Variants in C1QTNF1 observed in about 807,000 individuals in gnomAD.
C1QTNF1 encodes complement C1q tumor necrosis factor-related protein 1.
A neutral mutation model predicts 27.8 loss-of-function variants in C1QTNF1; 22 were observed. The ratio of observed to expected loss-of-function variants is 0.79; its 90% confidence interval spans 0.56 to 1.13. The LOEUF (loss-of-function observed/expected upper bound fraction) is 1.13. C1QTNF1 is among the 50% of genes most tolerant of loss of function. C1QTNF1 has a pLI of 0.00. For missense variants in C1QTNF1, 373 were observed against 380.2 expected (o/e 0.98, Z 0.16); for synonymous variants, 166 against 154.3 (o/e 1.08, Z -0.56).
rs771547856 is a variant in C1QTNF1, at chr17:79,047,749, G to A, written c.507G>A (p.Thr169=). The A allele has an allele frequency of 3.1e-6, 5 of 1,614,140 alleles. No homozygotes were observed. Among genetic ancestry groups the A allele is most frequent in the African/African-American group, 1.3e-5 (1 of 75,024 alleles). ...ACTACCAGACGGTGATCTTCGACAC[G>A]GAGTTCGTGAACCTCTACGACCACT... The part of the protein sequence containing the change: ...NHYYQTVIFD[T]EFVNLYDHFN... The change falls in exon 4 of 4, where the codon ACG becomes ACA. Residue 169 remains threonine, a synonymous_variant. Coordinates refer to ENST00000579760, the MANE Select transcript of C1QTNF1 (RefSeq NM_030968.5).
At chr17:79,025,874 A>AATCATCATCACCATCATC (rs756814837) in intron 1 of C1QTNF1, 33 of 427,756 alleles carry the variant, frequency 7.7e-5, no homozygotes, top group South Asian at 3.9e-4. Flanking sequence ...CAACAGTGGC[A>AATCATCATCACCATCATC]ATCATCATCA....
In C1QTNF1 at chr17:79,036,174, C is replaced by T. The variant is rs528084385; in HGVS notation, c.-14-7781C>T. Among the ~76,000 whole-genome samples the T allele has an allele frequency of 3.3e-5, 5 of 152,272 alleles. No homozygotes were observed. In the East Asian group the frequency reaches 9.6e-4, roughly 29 times the overall value. On this transcript the variant is annotated intron_variant, in intron 1 of 3. Transcript: ENST00000579760. ...CATGGTAACCACTAGCTACATGTGG[C>T]TTTTTATTTTTATGTTTTGAGAGAG...
chr17:79,034,625 T>G (rs1393642381), intron 1 of C1QTNF1: 1 of 152,224 alleles, frequency 6.6e-6, no homozygotes, highest in Admixed American at 6.5e-5. Context: ...CGCTTCACTT[T>G]TTTGTCCCAA....
rs1292987454 is a variant in C1QTNF1 at position 79,046,553 on chromosome 17, A to C, written c.156-2A>C. ...TTTCACTGTGATTCTTTATTCCCTC[A>C]GGGCTGAAGAACAACATGAAAAATA... On this transcript the variant is annotated splice_acceptor_variant, in intron 2 of 3. Coordinates refer to ENST00000579760, the MANE Select transcript of C1QTNF1 (RefSeq NM_030968.5). LOFTEE classifies it high-confidence loss of function. This position sits in a 1 kb window ranked among gnomAD's most constrained non-coding sequence, Gnocchi z 4.8. 1 of 1,614,194 alleles carries C rather than the reference A, an allele frequency of 6.2e-7. No individual in the cohort carries two copies. Among genetic ancestry groups the C allele is most frequent in the Non-Finnish European group, 8.5e-7 (1 of 1,180,022 alleles).
intron 1 of C1QTNF1, among the ~76,000 whole-genome samples, chr17:79,029,645 G>A (rs184242579): frequency 3.2e-4 from 48 of 152,308 alleles, no homozygotes; most frequent in African/African-American, 1.1e-3. Context: ...GCTGCAGGAC[G>A]GGGCTCCGTT....
At chr17:79,033,463 C>T (rs147385581) in intron 1 of C1QTNF1, among the ~76,000 whole-genome samples, 2,470 of 152,070 alleles carry the variant, frequency 0.016, 31 homozygotes, top group Non-Finnish European at 0.026. Flanking sequence ...TAATCCTACC[C>T]GCTTTGGGAG....
chr17:79,032,278 G>A (rs2072156950), intron 1 of C1QTNF1, among the ~76,000 whole-genome samples: 1 of 152,174 alleles, frequency 6.6e-6, no homozygotes, highest in Admixed American at 6.5e-5. Context: ...GAAGGTGGAG[G>A]AGAAACAGGC....
intron 1 of C1QTNF1, among the ~76,000 whole-genome samples, chr17:79,037,469 G>A (rs902591949): frequency 6.6e-6 from 1 of 151,650 alleles, no homozygotes; most frequent in Non-Finnish European, 1.5e-5. Flanking sequence ...TTGCCATGTT[G>A]GCCAGGCTGG....
Position 79,024,244 on chromosome 17 carries a change from C to T in C1QTNF1, c.-265C>T, listed in dbSNP as rs1376958222. ...CTTCCTTTACTTTCGAGAAACCGCG[C>T]TTCCGCTTCTGGTCGCAGAGACCTC... On this transcript the variant is annotated 5_prime_UTR_variant, in exon 1 of 4. Transcript: ENST00000579760. 3 of 152,350 alleles carry T rather than the reference C, an allele frequency of 2.0e-5. No homozygotes were observed. The highest frequency in any genetic ancestry group is 7.2e-5 in the African/African-American group (3 of 41,468). The allele number at this position is 152,350 out of a possible 1,614,324, so 9.4% of individuals were successfully genotyped here. A position where few individuals can be genotyped will look rare whatever the true frequency, so the allele number is the denominator to read the frequency against.
At chr17:79,028,975 G>A (rs924428565) in intron 1 of C1QTNF1, among the ~76,000 whole-genome samples, 4 of 152,070 alleles carry the variant, frequency 2.6e-5, no homozygotes, top group Non-Finnish European at 4.4e-5. Context: ...AACTCCGGTG[G>A]TGTATTTTAA....
intron 2 of C1QTNF1, 38 bp downstream of exon 2, chr17:79,044,161 C>T (rs777965796): frequency 6.5e-7 from 1 of 1,549,620 alleles, no homozygotes; most frequent in Non-Finnish European, 8.7e-7. Flanking sequence ...GGAGCTCTGG[C>T]TCTGGCCAGG....
intron 1 of C1QTNF1, chr17:79,041,700 C>T (rs1016122364): frequency 3.4e-5 from 5 of 148,620 alleles, no homozygotes; most frequent in African/African-American, 1.3e-4. Flanking sequence ...ATCACTTGAA[C>T]CTAGGAGGCG....
chr17:79,033,998 T>C (rs1451513851), intron 1 of C1QTNF1, among the ~76,000 whole-genome samples: 1 of 152,162 alleles, frequency 6.6e-6, no homozygotes, highest in African/African-American at 2.4e-5. Context: ...GTGCTGATTA[T>C]ATTCCTGACC....
In C1QTNF1 at chr17:79,048,841, A is replaced by AG. The variant is rs1364934449; in HGVS notation, c.*756dup. The AG allele has an allele frequency of 1.3e-5, 2 of 152,164 alleles. No homozygotes were observed. The highest frequency in any genetic ancestry group is 2.1e-4 in the South Asian group (1 of 4,834). 9.4% of individuals were successfully genotyped at this position (152,164 alleles called of 1,614,324 possible). On this transcript the variant is annotated 3_prime_UTR_variant, in exon 4 of 4. Transcript: ENST00000579760. ...AGCCGAAGGGCTCCTGACAGTGGCC[A>AG]GGGACCCCTGGGTCCCCCAGGCCTG...
chr17:79,043,669 G>T, intron 1 of C1QTNF1: 1 of 550,332 alleles, frequency 1.8e-6, no homozygotes, highest in South Asian at 1.5e-5. Context: ...TGCATGTGTG[G>T]ATTGCATGTG....
At chr17:79,025,257 A>G (rs2071910250) in intron 1 of C1QTNF1, among the ~76,000 whole-genome samples, 1 of 152,002 alleles carries the variant, frequency 6.6e-6, no homozygotes, top group Non-Finnish European at 1.5e-5. Context: ...TGTGGTCCCC[A>G]CTGTTAGCCC....
chr17:79,041,949 TAA>T (rs1265120124), intron 1 of C1QTNF1: 3 of 152,170 alleles, frequency 2.0e-5, no homozygotes, highest in African/African-American at 7.2e-5. Flanking sequence ...TCCTTAGACA[TAA>T]GAGGAGTTAG....
intron 1 of C1QTNF1, among the ~76,000 whole-genome samples, chr17:79,031,482 C>G (rs896515270): frequency 6.6e-6 from 1 of 152,084 alleles, no homozygotes; most frequent in East Asian, 1.9e-4. Context: ...GAGTTTCACT[C>G]TGTCACCCAG....
intron 1 of C1QTNF1, among the ~76,000 whole-genome samples, chr17:79,030,351 G>A (rs1330769296): frequency 2.0e-5 from 3 of 151,888 alleles, no homozygotes; most frequent in African/African-American, 7.3e-5. Context: ...GTGTGTATGT[G>A]TATGTGTGTG....
Sources: gnomAD v4.1 joint callset for allele counts (sites outside exome capture counted in the v4.1 genomes callset) on GRCh38, gnomAD v4.1.1 for gene constraint, Gnocchi (gnomAD v3.1) non-coding constraint, MANE v1.5 for transcripts, NCBI Gene and HGNC (gene_info 2026-07-23, HGNC 2026-07-21) for gene names.